RYR3: variants seen among roughly 807,000 people sequenced by gnomAD.
The protein encoded by RYR3 is brain ryanodine receptor-calcium release channel.
In RYR3, 207 loss-of-function variants were observed where a neutral mutation model predicts 584.3. The observed-to-expected ratio is 0.35, with a 90% confidence interval of 0.32 to 0.40. The LOEUF is 0.40. Ranked by LOEUF, RYR3 falls within the 10% of genes least tolerant of loss-of-function variation. The pLI is 1.00. For synonymous variants in RYR3, 2,416 were observed against 2,248.5 expected (o/e 1.07, Z -2.11); for missense variants, 5,616 against 6,089.2 (o/e 0.92, Z 2.59).
chr15:33,366,839 G>A (rs1975571623), intron 1 of RYR3, among the ~76,000 whole-genome samples: 2 of 152,126 alleles, frequency 1.3e-5, no homozygotes, highest in South Asian at 4.2e-4. Flanking sequence ...AATGAGACCG[G>A]TCAATAGAAA....
Position 33,837,985 on chromosome 15 carries a change from C to A in RYR3, c.12005C>A (p.Ser4002Tyr). Residue 4002 changes from serine to tyrosine, a missense_variant, in exon 89 of 104, where the codon TCT becomes TAT. Coordinates refer to ENST00000634891, the MANE Select transcript of RYR3 (RefSeq NM_001036.6). ...FNVAVLLTNL[S>Y]EHMPNDSRLK... ...GTGGCTGTGTTATTGACAAATCTTT[C>A]TGAACACATGCCAAACGATTCCCGC... 1 of 1,614,012 alleles carries A rather than the reference C, an allele frequency of 6.2e-7. No homozygotes were observed.
At chr15:33,464,503 T>TATATATACACACAC (rs1180164194) in intron 1 of RYR3, among the ~76,000 whole-genome samples, 1 of 105,942 alleles carries the variant, frequency 9.4e-6, no homozygotes, top group African/African-American at 3.4e-5. Flanking sequence ...CATATATATA[T>TATATATACACACAC]ACATACACAT....
chr15:33,529,319 C>T (rs1039636744), intron 3 of RYR3, among the ~76,000 whole-genome samples: 1 of 152,132 alleles, frequency 6.6e-6, no homozygotes, highest in Admixed American at 6.5e-5. Flanking sequence ...TCTTTAGGCT[C>T]ATTATGTGAC....
intron 98 of RYR3, among the ~76,000 whole-genome samples, chr15:33,857,426 C>G (rs2079806953): frequency 6.6e-6 from 1 of 152,042 alleles, no homozygotes; most frequent in South Asian, 2.1e-4. Context: ...TCTTAACAAC[C>G]TCAGTTTAAC....
chr15:33,614,302 A>G (rs1199079269), intron 19 of RYR3, among the ~76,000 whole-genome samples: 1 of 152,170 alleles, frequency 6.6e-6, no homozygotes, highest in African/African-American at 2.4e-5. Flanking sequence ...TTTCTGCTTA[A>G]TGTACATAAC....
intron 31 of RYR3, among the ~76,000 whole-genome samples, chr15:33,650,149 C>T (rs767700934): frequency 5.3e-5 from 8 of 152,168 alleles, no homozygotes; most frequent in Admixed American, 2.0e-4. Context: ...GAGGCCAAGG[C>T]GGGCGGATGA....
chr15:33,543,716 G>A lies in RYR3; in HGVS notation c.740+1G>A. ...CAGACCAGAATGATTCCCAGCACAGGTAAGTCAGTAGCTGCATTCTTCCAC... is the reference window on the plus strand; with the variant it reads ...CAGACCAGAATGATTCCCAGCACAGATAAGTCAGTAGCTGCATTCTTCCAC... On this transcript the variant is annotated splice_donor_variant, in intron 8 of 103. Transcript: ENST00000634891. LOFTEE classifies it high-confidence loss of function. The A allele has an allele frequency of 6.3e-7, 1 of 1,586,690 alleles. No homozygotes were observed. The highest frequency in any genetic ancestry group is 8.7e-7 in the Non-Finnish European group (1 of 1,155,276).
rs187500603 is a variant in RYR3, at chr15:33,702,049, C to T, written c.6483+969C>T. ...TGAATGCTTCCCACAAATGAACTCA[C>T]GTGACCCTCAGACCAAGCCCTTTCA... On this transcript the variant is annotated intron_variant, in intron 42 of 103. Transcript: ENST00000634891. Among the ~76,000 whole-genome samples the T allele has an allele frequency of 2.3e-4, 35 of 152,286 alleles. No individual in the cohort carries two copies. In the East Asian group the frequency reaches 3.7e-3, roughly 16 times the overall value.
chr15:33,481,099 G>T (rs1346531859), intron 2 of RYR3, among the ~76,000 whole-genome samples: 2 of 152,200 alleles, frequency 1.3e-5, no homozygotes, highest in Admixed American at 1.3e-4. Flanking sequence ...CTTATAGTAT[G>T]CTTTGACTCA....
At chr15:33,508,511 A>G (rs1000220221) in intron 3 of RYR3, among the ~76,000 whole-genome samples, 10 of 152,030 alleles carry the variant, frequency 6.6e-5, no homozygotes, top group East Asian at 5.8e-4. Context: ...TTAGCCGGGC[A>G]TGGTGGCGGG....
intron 67 of RYR3, among the ~76,000 whole-genome samples, chr15:33,789,385 C>G (rs1261330013): frequency 6.6e-6 from 1 of 151,388 alleles, no homozygotes. Flanking sequence ...GGGAGGTTCT[C>G]CATGATCCAG....
chr15:33,624,004 G>T lies in RYR3; in HGVS notation c.2555G>T (p.Cys852Phe), dbSNP rs375595175. 1.2e-6 allele frequency: 2 copies of T among 1,613,744 alleles called. No individual in the cohort carries two copies. Among genetic ancestry groups the T allele is most frequent in the Non-Finnish European group, 1.7e-6 (2 of 1,179,738 alleles). The change falls in exon 20 of 104, where the codon TGC (cysteine) becomes TTC (phenylalanine). Residue 852 changes from cysteine (C) to phenylalanine (F), a missense_variant. Cys to Phe is a radical substitution (Grantham distance 205, BLOSUM62 -2). Coordinates refer to ENST00000634891, the MANE Select transcript of RYR3 (RefSeq NM_001036.6). ...QFLSQASFIP[C>F]PVDTSQVILP... ...CTCTCCCAAGCCTCTTTCATCCCAT[G>T]CCCCGTAGACACCAGTCAGGTAGGT...
intron 5 of RYR3, among the ~76,000 whole-genome samples, chr15:33,536,431 A>C (rs2055335298): frequency 6.6e-6 from 1 of 152,190 alleles, no homozygotes; most frequent in African/African-American, 2.4e-5. Context: ...TAGCTTTAGA[A>C]TTTAGACTTA....
intron 3 of RYR3, among the ~76,000 whole-genome samples, chr15:33,507,750 T>C (rs2052603041): frequency 6.6e-6 from 1 of 152,120 alleles, no homozygotes; most frequent in Admixed American, 6.5e-5. Flanking sequence ...CAGATGTGTT[T>C]TCAGTCCAGC....
At chr15:33,375,010 G>A (rs1294224894) in intron 1 of RYR3, among the ~76,000 whole-genome samples, 1 of 152,172 alleles carries the variant, frequency 6.6e-6, no homozygotes. Context: ...TCAAGCAAGC[G>A]ATATTTTATT....
intron 12 of RYR3, among the ~76,000 whole-genome samples, chr15:33,567,422 A>G (rs1165912147): frequency 1.3e-5 from 2 of 152,166 alleles, no homozygotes; most frequent in African/African-American, 2.4e-5. Context: ...TTGTAGGAAA[A>G]TCTCTCTAAA....
intron 2 of RYR3, among the ~76,000 whole-genome samples, chr15:33,485,233 T>C (rs2050307436): frequency 6.6e-6 from 1 of 152,112 alleles, no homozygotes; most frequent in African/African-American, 2.4e-5. Context: ...TGGAGGGAGC[T>C]CTTTCAATGG....
At chr15:33,338,049 A>G (rs1000983335) in intron 1 of RYR3, among the ~76,000 whole-genome samples, 9 of 144,462 alleles carry the variant, frequency 6.2e-5, no homozygotes, top group Admixed American at 5.9e-4. Context: ...GGTTCACGCC[A>G]TTCTCTTGCC....
chr15:33,771,721 G>A (rs527420147), intron 62 of RYR3, among the ~76,000 whole-genome samples, 199 bp from the exon 63 acceptor site: 1 of 152,258 alleles, frequency 6.6e-6, no homozygotes, highest in Admixed American at 6.5e-5. Flanking sequence ...TCCTCAGACT[G>A]TCCAGTGGCT....
Sources: gnomAD v4.1 joint callset for allele counts (sites outside exome capture counted in the v4.1 genomes callset) on GRCh38, gnomAD v4.1.1 for gene constraint, MANE v1.5 for transcripts, NCBI Gene and HGNC (gene_info 2026-07-23, HGNC 2026-07-21) for gene names.